The following ATP8A1 variants were observed in gnomAD, a reference collection of about 807,000 sequenced individuals.
The protein encoded by ATP8A1 is ATPase phospholipid transporting 8A1, also known as phospholipid-transporting ATPase IA.
A neutral mutation model predicts 177.7 loss-of-function variants in ATP8A1; 90 were observed. The observed-to-expected ratio is 0.51, with a 90% CI of 0.43 to 0.60. The LOEUF (loss-of-function observed/expected upper bound fraction) is 0.60, where lower values mean the gene tolerates loss of function less well. Ranked by LOEUF, ATP8A1 falls within the 20% of genes least tolerant of loss-of-function variation. ATP8A1 has a pLI of 0.00. For synonymous variants in ATP8A1, 493 were observed against 485.9 expected, an observed-to-expected ratio of 1.01 and a Z score of -0.19; for missense variants, 1,072 against 1,392.8, an observed-to-expected ratio of 0.77 and a Z score of 3.67.
At chr4:42,467,238 T>A (rs1430271751) in intron 25 of ATP8A1, among the ~76,000 whole-genome samples, 2 of 152,192 alleles carry the variant, frequency 1.3e-5, no homozygotes, top group African/African-American at 4.8e-5. Flanking sequence ...GGCTGAGGAT[T>A]TTCATTCAAT....
At position 42,544,004 on chromosome 4, in the gene ATP8A1, T is replaced by C. The variant is rs745968306; in HGVS notation, c.1653-18A>G. 41 of 1,603,640 alleles carry C rather than the reference T, an allele frequency of 2.6e-5. No homozygotes were observed. The highest frequency in any genetic ancestry group is 3.3e-4 in the Middle Eastern group (2 of 6,064). On this transcript the variant is annotated intron_variant, in intron 19 of 36. Coordinates refer to ENST00000381668, the MANE Select transcript of ATP8A1 (RefSeq NM_006095.2). Reference sequence around the variant, plus strand: ...TCCTAGCACTGAAAGAAAGAGGTTTTGCATAATGTGTCATCATACCAAGGA... The same window carrying C: ...TCCTAGCACTGAAAGAAAGAGGTTTCGCATAATGTGTCATCATACCAAGGA...
chr4:42,567,385 A>C (rs7675180), intron 15 of ATP8A1, among the ~76,000 whole-genome samples: 150 of 152,232 alleles, frequency 9.9e-4, no homozygotes, highest in African/African-American at 3.5e-3. Flanking sequence ...CTAAAAATAC[A>C]AACATTAGCC....
intron 24 of ATP8A1, among the ~76,000 whole-genome samples, chr4:42,502,281 T>A (rs555501804): frequency 3.3e-5 from 5 of 152,308 alleles, no homozygotes; most frequent in African/African-American, 9.6e-5. Flanking sequence ...GAAGTGTTTA[T>A]TAATTTTGAG....
At chr4:42,441,065 T>C (rs960072399) in intron 33 of ATP8A1, among the ~76,000 whole-genome samples, 3 of 152,200 alleles carry the variant, frequency 2.0e-5, no homozygotes, top group Admixed American at 2.0e-4. Flanking sequence ...TCAGGAATCC[T>C]GCAGAACGGC....
At position 42,563,234 on chromosome 4, in the gene ATP8A1, G is replaced by C. The variant is rs143594076; in HGVS notation, c.1340+5927C>G. On this transcript the variant is annotated intron_variant, in intron 15 of 36. Coordinates refer to ENST00000381668, the MANE Select transcript of ATP8A1 (RefSeq NM_006095.2). ...GGAACTTGTTGGGAACTGGAGAAAA[G>C]GTGACTCTTGTTATGTTTAACAAAG... Among the ~76,000 whole-genome samples, 559 of 152,316 alleles carry C rather than the reference G, an allele frequency of 3.7e-3. 2 individuals are homozygous for C. The highest frequency in any genetic ancestry group is 0.013 in the African/African-American group (533 of 41,562).
chr4:42,479,441 A>C (rs1388733701), intron 25 of ATP8A1, among the ~76,000 whole-genome samples: 2 of 152,240 alleles, frequency 1.3e-5, no homozygotes, highest in Non-Finnish European at 2.9e-5. Flanking sequence ...CAGTTACACA[A>C]AGCTAACTCT....
Position 42,435,455 on chromosome 4 carries a change from A to C in ATP8A1, c.3123+8110T>G, listed in dbSNP as rs531632149. 5.7e-3 allele frequency among the ~76,000 whole-genome samples: 574 copies of C among 100,518 alleles called. 7 individuals are homozygous for C. The highest frequency in any genetic ancestry group is 9.4e-3 in the African/African-American group (289 of 30,616). The allele number at this position is 100,518 out of a possible 152,430, so 65.9% of individuals were successfully genotyped here. A position where few individuals can be genotyped will look rare whatever the true frequency, so the allele number is the denominator to read the frequency against. On this transcript the variant is annotated intron_variant, in intron 33 of 36. Coordinates refer to ENST00000381668, the MANE Select transcript of ATP8A1 (RefSeq NM_006095.2). Reference sequence around the variant, plus strand: ...AAAAAAAAAAAAAAAAAAAACAAAAAAAAAAAAACAAACTATCTCCAGTTA... The same window carrying C: ...AAAAAAAAAAAAAAAAAAAACAAAACAAAAAAAACAAACTATCTCCAGTTA...
chr4:42,606,888 T>C (rs965060358), intron 5 of ATP8A1, among the ~76,000 whole-genome samples: 1 of 152,224 alleles, frequency 6.6e-6, no homozygotes, highest in South Asian at 2.1e-4. Context: ...CAGCACTCCA[T>C]ACTTTTACCA....
At chr4:42,598,859 A>G (rs1219739859) in intron 6 of ATP8A1, among the ~76,000 whole-genome samples, 2 of 152,118 alleles carry the variant, frequency 1.3e-5, no homozygotes, top group African/African-American at 4.8e-5. Context: ...GATTCTAATT[A>G]CTTCTATAAT....
At chr4:42,455,185 G>T (rs1718346873) in intron 29 of ATP8A1, 112 bp downstream of exon 29, 2 of 1,326,252 alleles carry the variant, frequency 1.5e-6, no homozygotes, top group African/African-American at 2.9e-5. Flanking sequence ...CGGTACCCTG[G>T]AGTTGTCTCA....
At chr4:42,654,879 G>C (rs1288147950) in intron 1 of ATP8A1, among the ~76,000 whole-genome samples, 1 of 152,154 alleles carries the variant, frequency 6.6e-6, no homozygotes, top group African/African-American at 2.4e-5. Context: ...TATTCCTTAG[G>C]AAAGGTAGGA....
intron 1 of ATP8A1, among the ~76,000 whole-genome samples, chr4:42,636,187 T>C (rs965461129): frequency 5.2e-5 from 7 of 134,704 alleles, no homozygotes; most frequent in African/African-American, 5.5e-5. Flanking sequence ...CTTCTTAAGC[T>C]GGATCAAAAC....
intron 25 of ATP8A1, among the ~76,000 whole-genome samples, chr4:42,469,446 G>A (rs1232764038): frequency 6.6e-6 from 1 of 152,128 alleles, no homozygotes; most frequent in East Asian, 1.9e-4. Context: ...GGTTTGTCAA[G>A]CTGAAGTCAG....
At chr4:42,474,139 T>TA (rs1560365674) in intron 25 of ATP8A1, among the ~76,000 whole-genome samples, 1 of 152,120 alleles carries the variant, frequency 6.6e-6, no homozygotes, top group Non-Finnish European at 1.5e-5. Flanking sequence ...TGTCAGGAGT[T>TA]AAAAAAGGAG....
chr4:42,522,232 G>C lies in ATP8A1; in HGVS notation c.1875C>G (p.Val625=). The change falls in exon 22 of 37, where the codon GTC becomes GTG. Residue 625 remains valine (V), a synonymous_variant. Coordinates refer to ENST00000381668, the MANE Select transcript of ATP8A1 (RefSeq NM_006095.2). ...GCACAGATGTAGATGCTCGCTGATA[G>C]ACTGCTCGCCACTCCTGAAAGTCGC... ...SESDFQEWRA[V]YQRASTSVQN... The C allele has an allele frequency of 6.2e-7, 1 of 1,613,712 alleles. No individual in the cohort carries two copies. Among genetic ancestry groups the C allele is most frequent in the Non-Finnish European group, 8.5e-7 (1 of 1,179,890 alleles).
intron 23 of ATP8A1, among the ~76,000 whole-genome samples, chr4:42,506,341 G>A (rs923066567): frequency 5.3e-5 from 8 of 152,178 alleles, no homozygotes; most frequent in Non-Finnish European, 7.3e-5. Flanking sequence ...AGTTAAGAAG[G>A]TGCTATCTAT....
At chr4:42,612,588 T>C (rs1010073146) in intron 5 of ATP8A1, among the ~76,000 whole-genome samples, 6 of 151,690 alleles carry the variant, frequency 4.0e-5, no homozygotes, top group African/African-American at 1.2e-4. Flanking sequence ...TGGAAAACAG[T>C]ACACAATTTT....
At position 42,578,401 on chromosome 4, in the gene ATP8A1, C is replaced by A. The variant is rs770502966; in HGVS notation, c.1001-14G>T. On this transcript the variant is annotated splice_polypyrimidine_tract_variant and intron_variant, in intron 11 of 36. Coordinates refer to ENST00000381668, the MANE Select transcript of ATP8A1 (RefSeq NM_006095.2). ...TAGCGCCACCATCTGTTGGGAGAGG[C>A]AGGAAGAACGTCATTTACAGTTTTA... 6.2e-7 allele frequency: 1 copy of A among 1,604,702 alleles called. No homozygotes were observed. The highest frequency in any genetic ancestry group is 1.1e-5 in the South Asian group (1 of 88,986).
In ATP8A1 at chr4:42,503,482, C is replaced by G. The variant is rs1300216792; in HGVS notation, c.2119G>C (p.Gly707Arg). ...GAGCCTTCATTTATAACAATCATTC[C>G]CATGTTCTTCTTCAACAGTTTGCAG... ...HSCKLLKKNM[G>R]MIVINEGSLD... Residue 707 changes from glycine (G) to arginine (R), a missense_variant, in exon 24 of 37, where the codon GGA (glycine) becomes CGA (arginine). By Grantham distance (125) the Gly-to-Arg change is moderately radical (BLOSUM62 -2). Around this residue, in one of 5 missense-constraint regions of ATP8A1, gnomAD observed 388 missense variants for 471.7 expected, o/e 0.82. Coordinates refer to ENST00000381668, the MANE Select transcript of ATP8A1 (RefSeq NM_006095.2). 1.2e-6 allele frequency: 2 copies of G among 1,607,502 alleles called. No individual in the cohort carries two copies. The highest frequency in any genetic ancestry group is 1.7e-6 in the Non-Finnish European group (2 of 1,176,036).
Sources: allele counts gnomAD v4.1 joint callset (sites outside exome capture counted in the v4.1 genomes callset), GRCh38; gene constraint gnomAD v4.1.1; regional missense constraint gnomAD v4.1.1; transcripts MANE v1.5; gene names NCBI Gene and HGNC (gene_info 2026-07-23, HGNC 2026-07-21).